Variants in CPPED1 observed in about 807,000 individuals in gnomAD.
CPPED1 encodes calcineurin like phosphoesterase domain containing 1.
Under a neutral mutation model 28.0 loss-of-function variants are expected in CPPED1, and 28 were observed. That is an observed-to-expected ratio of 1.00 (90% CI 0.74 to 1.37). The LOEUF (loss-of-function observed/expected upper bound fraction) is 1.37, where lower values mean the gene tolerates loss of function less well. Among genes scored for constraint, CPPED1 ranks in the 40% most tolerant of loss-of-function variants. CPPED1 has a pLI of 0.00. For synonymous variants in CPPED1, 198 were observed against 180.2 expected, an observed-to-expected ratio of 1.10 and a Z score of -0.79; for missense variants, 504 against 416.5, an observed-to-expected ratio of 1.21 and a Z score of -1.83.
At chr16:12,726,969 C>A (rs561401769) in intron 2 of CPPED1, among the ~76,000 whole-genome samples, 1 of 152,232 alleles carries the variant, frequency 6.6e-6, no homozygotes, top group African/African-American at 2.4e-5. Flanking sequence ...AGAATGTGCA[C>A]ATGAGGCTTA....
chr16:12,731,379 A>T (rs1311594539), intron 2 of CPPED1, among the ~76,000 whole-genome samples: 4 of 131,738 alleles, frequency 3.0e-5, no homozygotes, highest in South Asian at 2.2e-4. Flanking sequence ...TTTTTTAATT[A>T]AAAAAAAAAA....
chr16:12,756,483 T>A (rs1395990554), intron 2 of CPPED1, among the ~76,000 whole-genome samples: 2 of 151,982 alleles, frequency 1.3e-5, no homozygotes, highest in African/African-American at 2.4e-5. Context: ...CCACTTGAGG[T>A]CAGTTCGAGA....
intron 3 of CPPED1, among the ~76,000 whole-genome samples, chr16:12,698,374 T>C (rs548083642): frequency 6.6e-6 from 1 of 152,334 alleles, no homozygotes; most frequent in Non-Finnish European, 1.5e-5. Context: ...TTTGATGTTT[T>C]ATCTTCCTAT....
intron 2 of CPPED1, among the ~76,000 whole-genome samples, chr16:12,718,508 C>T (rs1214701853): frequency 2.2e-5 from 3 of 136,158 alleles, no homozygotes; most frequent in Non-Finnish European, 4.6e-5. Context: ...CACTGCATTG[C>T]AGCCTGGGTG....
intron 2 of CPPED1, among the ~76,000 whole-genome samples, chr16:12,763,984 A>G (rs1454828434): frequency 6.6e-6 from 1 of 152,062 alleles, no homozygotes; most frequent in Non-Finnish European, 1.5e-5. Context: ...AAAGACCAGG[A>G]CAACAACAAG....
At chr16:12,774,195 G>C (rs376953543) in intron 2 of CPPED1, among the ~76,000 whole-genome samples, 2 of 152,156 alleles carry the variant, frequency 1.3e-5, no homozygotes, top group East Asian at 3.8e-4. Context: ...TCCAAGCTGG[G>C]TTCAGTGACT....
chr16:12,768,126 C>A (rs1265269901), intron 2 of CPPED1, among the ~76,000 whole-genome samples: 6 of 152,202 alleles, frequency 3.9e-5, no homozygotes, highest in Non-Finnish European at 8.8e-5. Context: ...TCTGGCTGAA[C>A]CTTCAACTGA....
chr16:12,769,977 C>T (rs12921027), intron 2 of CPPED1, among the ~76,000 whole-genome samples: 31,731 of 152,096 alleles, frequency 0.21, 4,029 homozygotes, highest in East Asian at 0.3. Context: ...TTTAACTGAG[C>T]CTCTTTAAAA....
intron 2 of CPPED1, among the ~76,000 whole-genome samples, chr16:12,771,751 T>C (rs896582988): frequency 3.9e-5 from 6 of 152,240 alleles, no homozygotes; most frequent in African/African-American, 1.4e-4. Context: ...ATTCTTTGCC[T>C]GAAGCCCAGC....
intron 2 of CPPED1, among the ~76,000 whole-genome samples, chr16:12,755,254 C>G (rs1384559489): frequency 6.6e-6 from 1 of 151,164 alleles, no homozygotes; most frequent in Non-Finnish European, 1.5e-5. Flanking sequence ...CTCAGGGTAA[C>G]CTTCTCACAA....
chr16:12,778,277 C>CTTTTTTTTTTTTTT (rs371883790), intron 2 of CPPED1, among the ~76,000 whole-genome samples: 11 of 116,162 alleles, frequency 9.5e-5, no homozygotes, highest in East Asian at 2.3e-4. Flanking sequence ...TTCTTTCTTT[C>CTTTTTTTTTTTTTT]TTTTTTTTTT....
At chr16:12,690,498 C>T (rs1004588750) in intron 3 of CPPED1, among the ~76,000 whole-genome samples, 1 of 147,182 alleles carries the variant, frequency 6.8e-6, no homozygotes, top group Non-Finnish European at 1.5e-5. Context: ...TGGGCAATAG[C>T]GCAAGACTCC....
At chr16:12,787,517 A>G (rs903661891) in intron 1 of CPPED1, among the ~76,000 whole-genome samples, 14 of 149,096 alleles carry the variant, frequency 9.4e-5, no homozygotes, top group African/African-American at 3.0e-4. Context: ...TGATTCTCCC[A>G]CCTTAGCCTC....
intron 2 of CPPED1, among the ~76,000 whole-genome samples, chr16:12,761,421 G>C (rs1596475625): frequency 6.6e-6 from 1 of 152,096 alleles, no homozygotes; most frequent in East Asian, 1.9e-4. Flanking sequence ...CTGACAGTTT[G>C]GTCATCTGCA....
At chr16:12,782,149 G>T (rs989790102) in intron 1 of CPPED1, among the ~76,000 whole-genome samples, 1 of 152,050 alleles carries the variant, frequency 6.6e-6, no homozygotes, top group Non-Finnish European at 1.5e-5. Flanking sequence ...AAAGCTTTGT[G>T]GGTCTTAGGG....
At chr16:12,677,610 C>T (rs1022331641) in intron 3 of CPPED1, among the ~76,000 whole-genome samples, 1 of 152,174 alleles carries the variant, frequency 6.6e-6, no homozygotes, top group Non-Finnish European at 1.5e-5. Flanking sequence ...CCACTGCACT[C>T]CAGTTTGGTG....
chr16:12,665,842 G>A (rs558558544), intron 3 of CPPED1, among the ~76,000 whole-genome samples: 70 of 152,218 alleles, frequency 4.6e-4, no homozygotes, highest in African/African-American at 1.5e-3. Context: ...GGAGAATCAC[G>A]TGAACTCGGG....
At chr16:12,724,114 G>T (rs541853950) in intron 2 of CPPED1, among the ~76,000 whole-genome samples, 16 of 152,244 alleles carry the variant, frequency 1.1e-4, no homozygotes, top group Non-Finnish European at 1.5e-4. Context: ...TCCCTCTGGG[G>T]CTTCCTCCAG....
chr16:12,715,096 C>T (rs1341875000), intron 2 of CPPED1, among the ~76,000 whole-genome samples: 4 of 152,126 alleles, frequency 2.6e-5, no homozygotes, highest in African/African-American at 9.7e-5. Context: ...GTCAAAAATC[C>T]ATTGACCCTA....
Sources: allele counts gnomAD v4.1 joint callset (sites outside exome capture counted in the v4.1 genomes callset), GRCh38; gene constraint gnomAD v4.1.1; transcripts MANE v1.5; gene names NCBI Gene and HGNC (gene_info 2026-07-23, HGNC 2026-07-21).